SUPT20H: variants seen among roughly 807,000 people sequenced by gnomAD.
SUPT20H encodes transcription factor SPT20 homolog.
In SUPT20H, 82 loss-of-function variants were observed where a neutral mutation model predicts 122.8. That is an observed-to-expected ratio of 0.67 (90% CI 0.56 to 0.80). The LOEUF is 0.80. Ranked by LOEUF, SUPT20H falls within the 30% of genes least tolerant of loss-of-function variation. The pLI is 0.00. For synonymous variants in SUPT20H, 291 were observed against 313.0 expected, an observed-to-expected ratio of 0.93 and a Z score of 0.74; for missense variants, 831 against 921.6, an observed-to-expected ratio of 0.90 and a Z score of 1.27.
intron 9 of SUPT20H, among the ~76,000 whole-genome samples, chr13:37,037,001 C>T: frequency 6.6e-6 from 1 of 151,868 alleles, no homozygotes; most frequent in East Asian, 1.9e-4. Context: ...TCGAGATCAG[C>T]CTGGGCAACA....
intron 2 of SUPT20H, 93 bp downstream of exon 2, chr13:37,051,395 G>A (rs2067652900): frequency 7.5e-7 from 1 of 1,326,546 alleles, no homozygotes; most frequent in Admixed American, 1.8e-5. Context: ...GCTTACAAGA[G>A]TATTTCTATA....
Position 37,022,259 on chromosome 13 carries a change from A to G in SUPT20H, c.1592-179T>C. 1 of 1,536,016 alleles carries G rather than the reference A, an allele frequency of 6.5e-7. No individual in the cohort carries two copies. The highest frequency in any genetic ancestry group is 8.8e-7 in the Non-Finnish European group (1 of 1,139,324). On this transcript the variant is annotated intron_variant, in intron 19 of 25. Transcript: ENST00000350612. This position sits in a 1 kb window ranked among gnomAD's most constrained non-coding sequence, Gnocchi z 4.5. ...TAGGAGTTGAGCTCTGAGCATCAGG[A>G]GGGTGTGGGGTCGATGAAGGGGTTG...
chr13:37,031,932 TAAAAG>T (rs2063403754), intron 10 of SUPT20H, 37 bp from the exon 11 acceptor site: 1 of 1,530,246 alleles, frequency 6.5e-7, no homozygotes, highest in South Asian at 1.3e-5. Context: ...ACGGCACTAA[TAAAAG>T]AAACTCATAA....
At chr13:37,024,499 G>C in intron 17 of SUPT20H, 57 bp from the exon 18 acceptor site, 3 of 1,115,874 alleles carry the variant, frequency 2.7e-6, no homozygotes, top group Non-Finnish European at 3.6e-6. Flanking sequence ...ATAAACCCCA[G>C]ATGATATTTA....
intron 7 of SUPT20H, 25 bp downstream of exon 7, chr13:37,044,053 C>A: frequency 6.6e-7 from 1 of 1,510,798 alleles, no homozygotes; most frequent in South Asian, 1.1e-5. Flanking sequence ...AATATAAAGA[C>A]ATTTTAAAGA....
rs1432770256 is a variant in SUPT20H, at chr13:37,021,744, GAAGAT to G, written c.1662-147_1662-143del. Reference sequence around the variant, plus strand: ...CTTAAATATCAAAGAAAGTAATGCAGAAGATAAATAGGAAATTCTAAGCTGCTGTC... The same window carrying G: ...CTTAAATATCAAAGAAAGTAATGCAGAAATAGGAAATTCTAAGCTGCTGTC... On this transcript the variant is annotated intron_variant, in intron 20 of 25. Transcript: ENST00000350612. 88 of 1,108,008 alleles carry G rather than the reference GAAGAT, an allele frequency of 7.9e-5. No individual in the cohort carries two copies. The East Asian group carries it at 2.3e-3, about 29-fold the overall frequency. The allele number at this position is 1,108,008 out of a possible 1,614,324, so 68.6% of individuals were successfully genotyped here. A position where few individuals can be genotyped will look rare whatever the true frequency, so the allele number is the denominator to read the frequency against.
chr13:37,026,884 ATAAAG>A lies in SUPT20H; in HGVS notation c.1152-73_1152-69del, dbSNP rs553768042. On this transcript the variant is annotated intron_variant, in intron 14 of 25. Coordinates refer to ENST00000350612, the MANE Select transcript of SUPT20H (RefSeq NM_001014286.3). Reference sequence around the variant, plus strand: ...AAACTTTAACTTCATAGTTTATTAAATAAAGTATTTTATGAATATGGAAGAATGAC... The same window carrying A: ...AAACTTTAACTTCATAGTTTATTAAATATTTTATGAATATGGAAGAATGAC... The A allele has an allele frequency of 9.9e-5, 102 of 1,033,250 alleles. 1 individual carries two copies. The African/African-American group carries it at 1.6e-3, about 16-fold the overall frequency. 64.0% of individuals were successfully genotyped at this position (1,033,250 alleles called of 1,614,324 possible).
At chr13:37,010,726 C>T in intron 24 of SUPT20H, 71 bp from the exon 25 acceptor site, 3 of 1,055,902 alleles carry the variant, frequency 2.8e-6, no homozygotes, top group Non-Finnish European at 4.3e-6. Context: ...AAAAGGACAA[C>T]ATAGAAAATG....
At chr13:37,015,212 G>C (rs1355870848) in intron 23 of SUPT20H, among the ~76,000 whole-genome samples, 1 of 150,412 alleles carries the variant, frequency 6.6e-6, no homozygotes, top group African/African-American at 2.4e-5. Flanking sequence ...GCAATCAAGA[G>C]TGAAAAGACA....
chr13:37,012,133 TC>T, intron 24 of SUPT20H, 58 bp downstream of exon 24: 1 of 1,345,422 alleles, frequency 7.4e-7, no homozygotes, highest in Non-Finnish European at 1.1e-6. Flanking sequence ...AGCGGTGAGA[TC>T]CCAAATAGAT....
At chr13:37,010,689 A>G in intron 24 of SUPT20H, 34 bp from the exon 25 acceptor site, 1 of 1,538,894 alleles carries the variant, frequency 6.5e-7, no homozygotes, top group African/African-American at 1.4e-5. Context: ...CAGGCCAGTC[A>G]AAAAGTTTGA....
rs182287243 is a variant in SUPT20H at position 37,043,031 on chromosome 13, A to C, written c.396+1047T>G. On this transcript the variant is annotated intron_variant, in intron 7 of 25. Coordinates refer to ENST00000350612, the MANE Select transcript of SUPT20H (RefSeq NM_001014286.3). ...TCAGTCAGTGCTCAGATTTTGGAAC[A>C]CTGTGGATTTCAAATTTTCAGATTT... Among the ~76,000 whole-genome samples the C allele has an allele frequency of 5.9e-5, 9 of 152,344 alleles. No individual in the cohort carries two copies. In the East Asian group the frequency reaches 1.7e-3, roughly 29 times the overall value.
At position 37,022,660 on chromosome 13, in the gene SUPT20H, T is replaced by C. The variant is rs2061593750; in HGVS notation, c.1592-580A>G. On this transcript the variant is annotated intron_variant, in intron 19 of 25. Transcript: ENST00000350612. This position sits in a 1 kb window ranked among gnomAD's most constrained non-coding sequence, Gnocchi z 4.5. ...AACGAATTCAAATTAATTTGTTATT[T>C]ACGATTTCACTAATTCAAGACTTCA... The C allele has an allele frequency of 9.8e-7, 1 of 1,016,368 alleles. No homozygotes were observed. Among genetic ancestry groups the C allele is most frequent in the African/African-American group, 1.7e-5 (1 of 58,460 alleles). 63.0% of individuals were successfully genotyped at this position (1,016,368 alleles called of 1,614,324 possible).
intron 23 of SUPT20H, among the ~76,000 whole-genome samples, chr13:37,016,726 A>T (rs2060572592): frequency 6.6e-6 from 1 of 152,178 alleles, no homozygotes; most frequent in South Asian, 2.1e-4. Flanking sequence ...TTAATTTCCC[A>T]GATGACTCCA....
intron 21 of SUPT20H, 32 bp downstream of exon 21, chr13:37,021,416 T>G: frequency 6.4e-7 from 1 of 1,556,204 alleles, no homozygotes; most frequent in Non-Finnish European, 8.7e-7. Flanking sequence ...ACTTTAATTT[T>G]TTTTAGAGGT....
chr13:37,049,032 T>C (rs2067075348), intron 2 of SUPT20H, among the ~76,000 whole-genome samples: 1 of 152,134 alleles, frequency 6.6e-6, no homozygotes, highest in African/African-American at 2.4e-5. Context: ...AACATTAACT[T>C]AGAAATTGCT....
intron 9 of SUPT20H, among the ~76,000 whole-genome samples, chr13:37,036,975 G>A (rs141472112): frequency 2.0e-5 from 3 of 151,992 alleles, no homozygotes; most frequent in East Asian, 3.9e-4. Flanking sequence ...CGGGCAGAAC[G>A]CTTGAGCTCA....
intron 21 of SUPT20H, 67 bp from the exon 22 acceptor site, chr13:37,019,464 T>G: frequency 8.9e-7 from 1 of 1,121,214 alleles, no homozygotes. Context: ...AATTTATACT[T>G]TAGTATATAT....
At chr13:37,021,688 A>G in intron 20 of SUPT20H, 86 bp from the exon 21 acceptor site, 1 of 1,371,096 alleles carries the variant, frequency 7.3e-7, no homozygotes, top group South Asian at 1.5e-5. Context: ...AAACAAAACT[A>G]CTAAGCAAAC....
Sources: gnomAD v4.1 joint callset for allele counts (sites outside exome capture counted in the v4.1 genomes callset) on GRCh38, gnomAD v4.1.1 for gene constraint, Gnocchi (gnomAD v3.1) non-coding constraint, MANE v1.5 for transcripts, NCBI Gene and HGNC (gene_info 2026-07-23, HGNC 2026-07-21) for gene names.